The following PLEKHA8 variants were observed in gnomAD, a reference collection of about 807,000 sequenced individuals.
PLEKHA8 encodes pleckstrin homology domain containing A8.
A neutral mutation model predicts 68.2 loss-of-function variants in PLEKHA8; 36 were observed. That is an observed-to-expected ratio of 0.53 (90% CI 0.40 to 0.70). The LOEUF (loss-of-function observed/expected upper bound fraction) is 0.70. PLEKHA8 is among the 30% of genes least tolerant of loss of function. The pLI is 0.00. For synonymous variants in PLEKHA8, 211 were observed against 216.1 expected, an observed-to-expected ratio of 0.98 and a Z score of 0.20; for missense variants, 505 against 615.4, an observed-to-expected ratio of 0.82 and a Z score of 1.90.
In PLEKHA8 at chr7:30,082,689, G is replaced by T; in HGVS notation, c.*3902G>T. 4.1e-6 allele frequency: 4 copies of T among 984,934 alleles called. No individual in the cohort carries two copies. Among genetic ancestry groups the T allele is most frequent in the Non-Finnish European group, 3.6e-6 (3 of 829,500 alleles). The allele number at this position is 984,934 out of a possible 1,614,324, so 61.0% of individuals were successfully genotyped here. On this transcript the variant is annotated 3_prime_UTR_variant, in exon 14 of 14. Transcript: ENST00000449726. Reference sequence around the variant, plus strand: ...AAAATATGTGATAGGGACCAAATAAGTAAAGTACATTTTTCTCCACTAAAT... The same window carrying T: ...AAAATATGTGATAGGGACCAAATAATTAAAGTACATTTTTCTCCACTAAAT...
chr7:30,079,243 A>G lies in PLEKHA8; in HGVS notation c.*456A>G. 1.0e-6 allele frequency: 1 copy of G among 993,896 alleles called. No individual in the cohort carries two copies. The highest frequency in any genetic ancestry group is 1.2e-6 in the Non-Finnish European group (1 of 835,152). The allele number at this position is 993,896 out of a possible 1,614,324, so 61.6% of individuals were successfully genotyped here. ...AAGCTGCTTTGTTGAAGCTGTGTAG[A>G]GTTTGCTGTTCCTAGATGTTCTTCA... On this transcript the variant is annotated 3_prime_UTR_variant, in exon 14 of 14. Coordinates refer to ENST00000449726, the MANE Select transcript of PLEKHA8 (RefSeq NM_001197026.2).
At chr7:30,098,574 T>C (rs1395017977) in intron 13 of PLEKHA8, among the ~76,000 whole-genome samples, 2 of 152,210 alleles carry the variant, frequency 1.3e-5, no homozygotes, top group African/African-American at 2.4e-5. Context: ...TGCAGTTTGA[T>C]CTCAGACTGC....
chr7:30,029,258 G>A (rs898684725), intron 1 of PLEKHA8, among the ~76,000 whole-genome samples: 19 of 152,350 alleles, frequency 1.2e-4, no homozygotes, highest in African/African-American at 4.3e-4. Context: ...AAAGTCCTCA[G>A]TGCAAACACT....
chr7:30,083,473 C>T lies in PLEKHA8; in HGVS notation c.*4686C>T, dbSNP rs1191484347. ...TTCCCAATTCCCATCCTGTCTCAGA[C>T]AGTCAATAGTCCTGTGTACAGTGAC... On this transcript the variant is annotated 3_prime_UTR_variant, in exon 14 of 14. Transcript: ENST00000449726. 2.0e-6 allele frequency: 2 copies of T among 985,178 alleles called. No homozygotes were observed. The highest frequency in any genetic ancestry group is 2.3e-4 in the East Asian group (2 of 8,830). 61.0% of individuals were successfully genotyped at this position (985,178 alleles called of 1,614,324 possible).
intron 13 of PLEKHA8, among the ~76,000 whole-genome samples, chr7:30,112,056 C>A (rs1481636813): frequency 6.6e-6 from 1 of 151,880 alleles, no homozygotes; most frequent in East Asian, 1.9e-4. Context: ...ACAACAGAGG[C>A]CAGAACACAG....
intron 1 of PLEKHA8, among the ~76,000 whole-genome samples, chr7:30,044,142 G>A (rs935618333): frequency 1.5e-4 from 23 of 151,994 alleles, no homozygotes; most frequent in Non-Finnish European, 2.8e-4. Context: ...GAATAGCTGG[G>A]ATTACAGGCA....
chr7:30,110,680 G>A (rs1450329546), intron 13 of PLEKHA8, among the ~76,000 whole-genome samples: 4 of 152,074 alleles, frequency 2.6e-5, no homozygotes, highest in African/African-American at 7.2e-5. Context: ...CCCCATCAAC[G>A]CTTGTTATCA....
chr7:30,116,019 C>G (rs1426129347), intron 13 of PLEKHA8: 2 of 147,774 alleles, frequency 1.4e-5, no homozygotes, highest in Non-Finnish European at 3.0e-5. Context: ...CATACGCATA[C>G]ATACGTATAC....
At chr7:30,109,186 G>A (rs1368696434) in intron 13 of PLEKHA8, among the ~76,000 whole-genome samples, 4 of 151,912 alleles carry the variant, frequency 2.6e-5, no homozygotes, top group Non-Finnish European at 5.9e-5. Context: ...CTTTTATTTT[G>A]GAATAATTTT....
At position 30,083,207 on chromosome 7, in the gene PLEKHA8, A is replaced by G. The variant is rs762127825; in HGVS notation, c.*4420A>G. The G allele has an allele frequency of 4.3e-5, 42 of 983,506 alleles. No homozygotes were observed. Among genetic ancestry groups the G allele is most frequent in the Non-Finnish European group, 4.5e-5 (37 of 828,300 alleles). 60.9% of individuals were successfully genotyped at this position (983,506 alleles called of 1,614,324 possible). On this transcript the variant is annotated 3_prime_UTR_variant, in exon 14 of 14. Coordinates refer to ENST00000449726, the MANE Select transcript of PLEKHA8 (RefSeq NM_001197026.2). ...GGGCTCTACACAAACTTCATTATGT[A>G]TGGTAAATTTGTATTCTTATGGATT...
intron 9 of PLEKHA8, among the ~76,000 whole-genome samples, chr7:30,055,836 T>C (rs1368444069): frequency 6.6e-6 from 1 of 152,180 alleles, no homozygotes; most frequent in Non-Finnish European, 1.5e-5. Flanking sequence ...TTTGTATTTT[T>C]TGTGGATATG....
In PLEKHA8 at chr7:30,046,232, C is replaced by G; in HGVS notation, c.180C>G (p.Arg60=). The G allele has an allele frequency of 4.3e-6, 7 of 1,611,812 alleles. No homozygotes were observed. The highest frequency in any genetic ancestry group is 5.9e-6 in the Non-Finnish European group (7 of 1,178,706). ...EIQVHSVDNT[R]MDLIIPGEQY... ...CAGTTCATTCTGTAGATAATACACGCATGGACCTGATAATCCCTGGGGAAC... is the reference window on the plus strand; with the variant it reads ...CAGTTCATTCTGTAGATAATACACGGATGGACCTGATAATCCCTGGGGAAC... The change falls in exon 3 of 14, where the codon CGC becomes CGG. Residue 60 remains arginine, a synonymous_variant. Coordinates refer to ENST00000449726, the MANE Select transcript of PLEKHA8 (RefSeq NM_001197026.2).
At chr7:30,059,265 TA>T (rs1330393833) in intron 9 of PLEKHA8, among the ~76,000 whole-genome samples, 7 of 152,366 alleles carry the variant, frequency 4.6e-5, no homozygotes, top group African/African-American at 7.2e-5. Flanking sequence ...TTTAGAATTT[TA>T]TTTTTTTATT....
chr7:30,047,070 T>A (rs1181749203), intron 3 of PLEKHA8, among the ~76,000 whole-genome samples: 1 of 152,198 alleles, frequency 6.6e-6, no homozygotes, highest in East Asian at 1.9e-4. Context: ...GGAAAAAGTG[T>A]TCCAGGGAAC....
rs748594937 is a variant in PLEKHA8, at chr7:30,045,207, A to G, written c.157+6A>G. 10 of 1,573,364 alleles carry G rather than the reference A, an allele frequency of 6.4e-6. No homozygotes were observed. The highest frequency in any genetic ancestry group is 8.7e-7 in the Non-Finnish European group (1 of 1,155,752). ...GGCAGTCTGTGAAATTCAAGGTGAG[A>G]AATCAAGCAACTTGCAAGTTTTATT... is the stretch of plus-strand genomic sequence containing the variant. On this transcript the variant is annotated splice_donor_region_variant and intron_variant, in intron 2 of 13. Coordinates refer to ENST00000449726, the MANE Select transcript of PLEKHA8 (RefSeq NM_001197026.2).
chr7:30,042,413 G>A (rs1791613494), intron 1 of PLEKHA8, among the ~76,000 whole-genome samples: 1 of 152,184 alleles, frequency 6.6e-6, no homozygotes, highest in South Asian at 2.1e-4. Context: ...ATAAAATACA[G>A]TAATTGAGGC....
Position 30,078,767 on chromosome 7 carries a change from G to C in PLEKHA8, c.1540G>C (p.Glu514Gln). The change falls in exon 14 of 14, where the codon GAA becomes CAA. Residue 514 changes from glutamate to glutamine, a missense_variant. By Grantham distance (29) the Glu-to-Gln change is conservative. Coordinates refer to ENST00000449726, the MANE Select transcript of PLEKHA8 (RefSeq NM_001197026.2). Reference protein sequence around the residue: ...LDTLYEVHGLESDEVV With the variant: ...LDTLYEVHGLQSDEVV ...CACTTTATATGAGGTCCACGGGCTG[G>C]AATCTGATGAGGTGGTATGATGGCT... 1.2e-6 allele frequency: 2 copies of C among 1,613,534 alleles called. No individual in the cohort carries two copies. The highest frequency in any genetic ancestry group is 2.2e-5 in the East Asian group (1 of 44,868).
Position 30,054,780 on chromosome 7 carries a change from G to A in PLEKHA8, c.868G>A (p.Gly290Arg), listed in dbSNP as rs759620954. 2.5e-6 allele frequency: 4 copies of A among 1,610,302 alleles called. No individual in the cohort carries two copies. The South Asian group carries it at 3.3e-5, about 13-fold the overall frequency. ...TCATGACAATAACTTGACTCAGTCT[G>A]GATCAGACTCAAGTTGCTCTCCGGA... Reference protein sequence around the residue: ...KNHDNNLTQSGSDSSCSPECL... With the variant: ...KNHDNNLTQSRSDSSCSPECL... The change falls in exon 8 of 14, where the codon GGA becomes AGA. Residue 290 changes from glycine to arginine, a missense_variant. Physicochemically the swap from Gly to Arg is moderately radical, Grantham distance 125. Coordinates refer to ENST00000449726, the MANE Select transcript of PLEKHA8 (RefSeq NM_001197026.2).
chr7:30,081,430 A>G lies in PLEKHA8; in HGVS notation c.*2643A>G, dbSNP rs1008711036. 2 of 984,644 alleles carry G rather than the reference A, an allele frequency of 2.0e-6. No individual in the cohort carries two copies. The highest frequency in any genetic ancestry group is 1.1e-4 in the East Asian group (1 of 8,834). 61.0% of individuals were successfully genotyped at this position (984,644 alleles called of 1,614,324 possible). A position where few individuals can be genotyped will look rare whatever the true frequency, so the allele number is the denominator to read the frequency against. On this transcript the variant is annotated 3_prime_UTR_variant, in exon 14 of 14. Coordinates refer to ENST00000449726, the MANE Select transcript of PLEKHA8 (RefSeq NM_001197026.2). ...TTCAGCTTAACCTGAACCTTGGCATAGTCAGAGCTTCCTCCTACATCTAAA... is the reference window on the plus strand; with the variant it reads ...TTCAGCTTAACCTGAACCTTGGCATGGTCAGAGCTTCCTCCTACATCTAAA...
Sources: allele counts gnomAD v4.1 joint callset (sites outside exome capture counted in the v4.1 genomes callset), GRCh38; gene constraint gnomAD v4.1.1; transcripts MANE v1.5; gene names NCBI Gene and HGNC (gene_info 2026-07-23, HGNC 2026-07-21).